MAD2L1: variants seen among roughly 807,000 people sequenced by gnomAD.
MAD2L1 encodes the protein mitotic arrest deficient 2 like 1.
Under a neutral mutation model 25.9 loss-of-function variants are expected in MAD2L1, and 10 were observed. That is an observed-to-expected ratio of 0.39 (90% confidence interval 0.24 to 0.66). The LOEUF is 0.66. Among genes scored for constraint, MAD2L1 ranks in the 30% least tolerant of loss-of-function variants. The pLI, the probability that MAD2L1 is intolerant of heterozygous loss-of-function variation, is 0.49. For missense variants in MAD2L1, 180 were observed against 246.4 expected, an observed-to-expected ratio of 0.73 and a Z score of 1.80; for synonymous variants, 81 against 91.8, an observed-to-expected ratio of 0.88 and a Z score of 0.67.
Position 120,056,662 on chromosome 4 carries a change from T to C in MAD2L1, c.*3456A>G, listed in dbSNP as rs1250636959. On this transcript the variant is annotated 3_prime_UTR_variant, in exon 5 of 5. Transcript: ENST00000296509. ...ATACTAATAAAAACATTTTTCAGCATGCATGTCTATATAGTGAAAAAATGA... is the reference window on the plus strand; with the variant it reads ...ATACTAATAAAAACATTTTTCAGCACGCATGTCTATATAGTGAAAAAATGA... 6.6e-6 allele frequency: 1 copy of C among 152,224 alleles called. No individual in the cohort carries two copies. The highest frequency in any genetic ancestry group is 1.5e-5 in the Non-Finnish European group (1 of 68,044). The allele number at this position is 152,224 out of a possible 1,614,324, so 9.4% of individuals were successfully genotyped here. A position where few individuals can be genotyped will look rare whatever the true frequency, so the allele number is the denominator to read the frequency against.
chr4:120,065,840 C>G, intron 1 of MAD2L1, 22 bp from the exon 2 acceptor site: 1 of 1,609,750 alleles, frequency 6.2e-7, no homozygotes, highest in Non-Finnish European at 8.5e-7. Context: ...AGAAATGTTA[C>G]AGAAAATTCA....
At chr4:120,065,468 T>C in intron 2 of MAD2L1, 1 of 484,626 alleles carries the variant, frequency 2.1e-6, no homozygotes, top group Non-Finnish European at 3.7e-6. Context: ...CCATATCAGA[T>C]TTCTAACATC....
At chr4:120,065,148 T>C (rs1298948271) in intron 2 of MAD2L1, among the ~76,000 whole-genome samples, 3 of 152,180 alleles carry the variant, frequency 2.0e-5, no homozygotes, top group Non-Finnish European at 4.4e-5. Flanking sequence ...AAACGACAAA[T>C]AGAAATACGT....
At chr4:120,061,510 G>A (rs1726216685) in intron 3 of MAD2L1, among the ~76,000 whole-genome samples, 1 of 152,138 alleles carries the variant, frequency 6.6e-6, no homozygotes, top group Admixed American at 6.6e-5. Flanking sequence ...AGAAGAGCAT[G>A]CCTAGGACAA....
chr4:120,065,156 C>A (rs1473020822), intron 2 of MAD2L1, among the ~76,000 whole-genome samples: 1 of 152,130 alleles, frequency 6.6e-6, no homozygotes. Context: ...AATAGAAATA[C>A]GTGAAAAACA....
chr4:120,063,713 A>T (rs964532373), intron 2 of MAD2L1, among the ~76,000 whole-genome samples: 10 of 152,176 alleles, frequency 6.6e-5, no homozygotes, highest in African/African-American at 1.9e-4. Flanking sequence ...AAAACAAAAC[A>T]ATTGGCCAGC....
chr4:120,062,126 T>C (rs1440625406), intron 2 of MAD2L1, 31 bp from the exon 3 acceptor site: 1 of 1,596,568 alleles, frequency 6.3e-7, no homozygotes, highest in Admixed American at 1.8e-5. Context: ...GGCATCTTTC[T>C]TGGTCCACTG....
In MAD2L1 at chr4:120,057,478, G is replaced by GGTTT. The variant is rs1484375335; in HGVS notation, c.*2636_*2639dup. ...ACCTCTGCACAAGCATTCTCACAGA[G>GGTTT]GTTTGACTTCTCTGATTGATGACAC... On this transcript the variant is annotated 3_prime_UTR_variant, in exon 5 of 5. Transcript: ENST00000296509. The GGTTT allele has an allele frequency of 1.3e-5, 2 of 152,424 alleles. No individual in the cohort carries two copies. The highest frequency in any genetic ancestry group is 3.9e-4 in the East Asian group (2 of 5,172). 9.4% of individuals were successfully genotyped at this position (152,424 alleles called of 1,614,324 possible).
In MAD2L1 at chr4:120,059,280, C is replaced by T. The variant is rs756568448; in HGVS notation, c.*838G>A. 1.3e-5 allele frequency: 2 copies of T among 152,094 alleles called. No individual in the cohort carries two copies. Among genetic ancestry groups the T allele is most frequent in the Admixed American group, 1.3e-4 (2 of 15,266 alleles). The allele number at this position is 152,094 out of a possible 1,614,324, so 9.4% of individuals were successfully genotyped here. The stretch of plus-strand genomic sequence containing the variant: ...GAACAGGATGTGATCAAAGTTTATC[C>T]ATTAGATTGAAGACACCTCAAGACT... On this transcript the variant is annotated 3_prime_UTR_variant, in exon 5 of 5. Transcript: ENST00000296509.
chr4:120,056,548 A>C lies in MAD2L1; in HGVS notation c.*3570T>G, dbSNP rs974720074. On this transcript the variant is annotated 3_prime_UTR_variant, in exon 5 of 5. Coordinates refer to ENST00000296509, the MANE Select transcript of MAD2L1 (RefSeq NM_002358.4). Reference sequence around the variant, plus strand: ...CATACTAAATGAAAACAAGATGAAGAAATGGTCTATGAAGTTATCTACCTT... The same window carrying C: ...CATACTAAATGAAAACAAGATGAAGCAATGGTCTATGAAGTTATCTACCTT... 1.3e-5 allele frequency: 2 copies of C among 152,246 alleles called. No homozygotes were observed. The highest frequency in any genetic ancestry group is 4.8e-5 in the African/African-American group (2 of 41,464). 9.4% of individuals were successfully genotyped at this position (152,246 alleles called of 1,614,324 possible).
intron 2 of MAD2L1, 89 bp downstream of exon 2, chr4:120,065,582 CA>C: frequency 9.3e-7 from 1 of 1,080,786 alleles, no homozygotes; most frequent in Non-Finnish European, 1.4e-6. Flanking sequence ...TTTGAGATGT[CA>C]GTACACTTCT....
Position 120,061,967 on chromosome 4 carries a change from C to T in MAD2L1, c.341+8G>A, listed in dbSNP as rs1482604608. ...TATCAAAGTAGAAATAATGTAATTC[C>T]TATTTACCTGTCATCTTTTGCAGTC... On this transcript the variant is annotated splice_region_variant and intron_variant, in intron 3 of 4. Transcript: ENST00000296509. The T allele has an allele frequency of 6.3e-7, 1 of 1,595,326 alleles. No individual in the cohort carries two copies. Among genetic ancestry groups the T allele is most frequent in the Non-Finnish European group, 8.5e-7 (1 of 1,172,932 alleles).
intron 1 of MAD2L1, 105 bp downstream of exon 1, chr4:120,066,557 C>A (rs1726324539): frequency 7.8e-6 from 8 of 1,020,450 alleles, no homozygotes; most frequent in Non-Finnish European, 1.1e-5. Context: ...CGCCTGCAGC[C>A]GCCTCTCCCC....
chr4:120,060,142 G>C lies in MAD2L1; in HGVS notation c.594C>G (p.Ala198=). 1 of 1,600,092 alleles carries C rather than the reference G, an allele frequency of 6.2e-7. No homozygotes were observed. The highest frequency in any genetic ancestry group is 1.3e-5 in the African/African-American group (1 of 74,774). ...TTIHKVNSMV[A]YKIPVND is the part of the protein sequence containing the mutation. The stretch of plus-strand genomic sequence containing the variant: ...CTCAGTCATTGACAGGAATTTTGTA[G>C]GCCACCATGCTATTTACTTTGTGGA... The change falls in exon 5 of 5, where the codon GCC becomes GCG. Residue 198 remains alanine (A), a synonymous_variant. Transcript: ENST00000296509.
At chr4:120,065,020 A>G (rs1034731481) in intron 2 of MAD2L1, among the ~76,000 whole-genome samples, 1 of 152,262 alleles carries the variant, frequency 6.6e-6, no homozygotes, top group African/African-American at 2.4e-5. Context: ...CTAGAAAGGA[A>G]AAAGAAATCG....
At chr4:120,064,835 T>TA (rs1322498055) in intron 2 of MAD2L1, among the ~76,000 whole-genome samples, 2 of 151,330 alleles carry the variant, frequency 1.3e-5, no homozygotes, top group East Asian at 1.9e-4. Context: ...ATAAAAACGG[T>TA]AAAAAAGACA....
At chr4:120,063,303 A>T (rs924561058) in intron 2 of MAD2L1, among the ~76,000 whole-genome samples, 2 of 152,214 alleles carry the variant, frequency 1.3e-5, no homozygotes, top group Non-Finnish European at 2.9e-5. Flanking sequence ...GCTCAGATTG[A>T]GCCTTGAAGT....
Position 120,066,834 on chromosome 4 carries a change from GCAGC to G in MAD2L1, c.-104_-101del. On this transcript the variant is annotated 5_prime_UTR_variant, in exon 1 of 5. Transcript: ENST00000296509. ...CGCCAAGCGTTTCAAAAGTAACGAC[GCAGC>G]ACGTCGTCAGGTCCTTTGCGCAGGC... The G allele has an allele frequency of 1.2e-6, 1 of 853,724 alleles. No homozygotes were observed. Among genetic ancestry groups the G allele is most frequent in the Non-Finnish European group, 1.9e-6 (1 of 529,562 alleles). The allele number at this position is 853,724 out of a possible 1,614,324, so 52.9% of individuals were successfully genotyped here. A position where few individuals can be genotyped will look rare whatever the true frequency, so the allele number is the denominator to read the frequency against.
chr4:120,056,615 G>A lies in MAD2L1; in HGVS notation c.*3503C>T, dbSNP rs1478473746. 11 of 152,106 alleles carry A rather than the reference G, an allele frequency of 7.2e-5. No individual in the cohort carries two copies. 9.4% of individuals were successfully genotyped at this position (152,106 alleles called of 1,614,324 possible). A position where few individuals can be genotyped will look rare whatever the true frequency, so the allele number is the denominator to read the frequency against. ...TTGAATCTATATGCTAAAATATATA[G>A]GAAGTCAGTATAATTAGCATTATAC... is the stretch of plus-strand genomic sequence containing the variant. On this transcript the variant is annotated 3_prime_UTR_variant, in exon 5 of 5. Coordinates refer to ENST00000296509, the MANE Select transcript of MAD2L1 (RefSeq NM_002358.4).
Sources: allele counts gnomAD v4.1 joint callset (sites outside exome capture counted in the v4.1 genomes callset), GRCh38; gene constraint gnomAD v4.1.1; transcripts MANE v1.5; gene names NCBI Gene and HGNC (gene_info 2026-07-23, HGNC 2026-07-21).